NKAIN3: variants seen among roughly 807,000 people sequenced by gnomAD.
NKAIN3 encodes sodium/potassium transporting ATPase interacting 3.
NKAIN3 carries 25 observed loss-of-function variants against 30.2 expected under a neutral mutation model. The observed-to-expected ratio is 0.83, with a 90% confidence interval of 0.60 to 1.16. The LOEUF (loss-of-function observed/expected upper bound fraction) is 1.16. Among genes scored for constraint, NKAIN3 ranks in the 50% most tolerant of loss-of-function variants. NKAIN3 has a pLI of 0.00. For synonymous variants in NKAIN3, 91 were observed against 89.6 expected, an observed-to-expected ratio of 1.02 and a Z score of -0.09; for missense variants, 225 against 254.1, an observed-to-expected ratio of 0.89 and a Z score of 0.78.
chr8:62,961,504 A>G (rs1823568702), intron 6 of NKAIN3, among the ~76,000 whole-genome samples: 1 of 152,186 alleles, frequency 6.6e-6, no homozygotes, highest in African/African-American at 2.4e-5. Context: ...AAGAAGAAGA[A>G]GAAAGGAAGG....
At chr8:62,464,810 T>C (rs1295665237) in intron 1 of NKAIN3, among the ~76,000 whole-genome samples, 1 of 152,210 alleles carries the variant, frequency 6.6e-6, no homozygotes, top group Non-Finnish European at 1.5e-5. Context: ...CCTAAATGTA[T>C]CATTCAATTA....
intron 6 of NKAIN3, among the ~76,000 whole-genome samples, chr8:62,959,433 G>GGTGTGTGTGT (rs35737951): frequency 0.096 from 13,807 of 143,104 alleles, 886 homozygotes; most frequent in African/African-American, 0.16. Flanking sequence ...GACAAATCAG[G>GGTGTGTGTGT]GTGTGTGTGT....
At chr8:62,877,913 G>A (rs942292861) in intron 4 of NKAIN3, among the ~76,000 whole-genome samples, 4 of 151,908 alleles carry the variant, frequency 2.6e-5, no homozygotes, top group Admixed American at 6.6e-5. Flanking sequence ...GGTGGCACAT[G>A]CCTGTAATCT....
intron 1 of NKAIN3, among the ~76,000 whole-genome samples, chr8:62,395,080 C>T (rs181905123): frequency 5.0e-4 from 74 of 147,564 alleles, no homozygotes; most frequent in African/African-American, 1.7e-3. Context: ...CAGGCAGAGG[C>T]GCTCATCACT....
At chr8:62,847,214 T>C (rs1408754587) in intron 4 of NKAIN3, among the ~76,000 whole-genome samples, 5 of 152,194 alleles carry the variant, frequency 3.3e-5, no homozygotes, top group Non-Finnish European at 2.9e-5. Context: ...GTAATGGGAT[T>C]GCTGGGCCAA....
intron 1 of NKAIN3, among the ~76,000 whole-genome samples, chr8:62,547,240 C>T (rs1389864042): frequency 6.6e-6 from 1 of 150,928 alleles, no homozygotes. Context: ...GTGATTTCAA[C>T]CCTGTCCTTA....
At chr8:62,555,613 G>T (rs1286359809) in intron 1 of NKAIN3, among the ~76,000 whole-genome samples, 3 of 151,956 alleles carry the variant, frequency 2.0e-5, no homozygotes, top group Non-Finnish European at 2.9e-5. Context: ...CTTACTGGAG[G>T]TTTAGTAGGA....
At chr8:62,710,187 G>T (rs1814669696) in intron 3 of NKAIN3, among the ~76,000 whole-genome samples, 3 of 152,138 alleles carry the variant, frequency 2.0e-5, no homozygotes, top group Admixed American at 2.0e-4. Context: ...TGAATGGAAT[G>T]TGTATTCTGT....
intron 1 of NKAIN3, among the ~76,000 whole-genome samples, chr8:62,283,796 G>C (rs1585631769): frequency 6.6e-6 from 1 of 152,048 alleles, no homozygotes; most frequent in Non-Finnish European, 1.5e-5. Flanking sequence ...AGCCATTTTA[G>C]GTGATACATG....
chr8:62,592,796 G>A (rs1278613708), intron 3 of NKAIN3, among the ~76,000 whole-genome samples: 1 of 151,918 alleles, frequency 6.6e-6, no homozygotes, highest in African/African-American at 2.4e-5. Flanking sequence ...GAAAACCTCT[G>A]TGGTCATATT....
intron 3 of NKAIN3, among the ~76,000 whole-genome samples, chr8:62,644,796 C>T (rs2130310262): frequency 6.6e-6 from 1 of 152,270 alleles, no homozygotes; most frequent in South Asian, 2.1e-4. Context: ...CAGCACCTTG[C>T]ACAGTGTTAA....
intron 1 of NKAIN3, among the ~76,000 whole-genome samples, chr8:62,442,962 T>A (rs1023790017): frequency 1.3e-5 from 2 of 152,004 alleles, no homozygotes; most frequent in African/African-American, 4.8e-5. Flanking sequence ...ATGATATTGA[T>A]GTTTTGAAGT....
intron 4 of NKAIN3, among the ~76,000 whole-genome samples, chr8:62,888,223 T>TAAAA (rs1821202460): frequency 6.6e-6 from 1 of 152,228 alleles, no homozygotes; most frequent in Non-Finnish European, 1.5e-5. Flanking sequence ...GTTTAGGTCA[T>TAAAA]GTTTAAAATA....
intron 4 of NKAIN3, among the ~76,000 whole-genome samples, chr8:62,821,271 G>A (rs1818840544): frequency 1.3e-5 from 2 of 152,176 alleles, no homozygotes; most frequent in South Asian, 2.1e-4. Context: ...GAAACACAAT[G>A]GTGGGTTTTA....
intron 3 of NKAIN3, among the ~76,000 whole-genome samples, chr8:62,622,253 G>A (rs1433830358): frequency 1.3e-5 from 2 of 152,000 alleles, no homozygotes; most frequent in African/African-American, 4.8e-5. Context: ...GAACATTTAT[G>A]TACAGGTTTT....
chr8:62,861,948 C>A (rs1272940726), intron 4 of NKAIN3, among the ~76,000 whole-genome samples: 2 of 152,218 alleles, frequency 1.3e-5, no homozygotes, highest in East Asian at 3.8e-4. Flanking sequence ...AAACACATAA[C>A]TAGCCAGAAT....
chr8:62,383,554 C>T, intron 1 of NKAIN3: 1 of 455,220 alleles, frequency 2.2e-6, no homozygotes, highest in South Asian at 1.6e-5. Context: ...TCTTGAAACT[C>T]ATCTGCTGCC....
chr8:62,455,460 T>G (rs543215684), intron 1 of NKAIN3, among the ~76,000 whole-genome samples: 3 of 152,194 alleles, frequency 2.0e-5, no homozygotes, highest in African/African-American at 7.2e-5. Flanking sequence ...AAGTGGGAGC[T>G]AAAACTGTGT....
intron 1 of NKAIN3, among the ~76,000 whole-genome samples, chr8:62,355,857 GTT>G (rs1166393580): frequency 1.3e-5 from 2 of 152,064 alleles, no homozygotes; most frequent in African/African-American, 4.8e-5. Flanking sequence ...AGCAGCTGTT[GTT>G]TCTGTGCATA....
Sources: allele counts gnomAD v4.1 joint callset (sites outside exome capture counted in the v4.1 genomes callset), GRCh38; gene constraint gnomAD v4.1.1; transcripts MANE v1.5; gene names NCBI Gene and HGNC (gene_info 2026-07-23, HGNC 2026-07-21).